The following ROR2 variants were observed in gnomAD, a reference collection of about 807,000 sequenced individuals.
ROR2 encodes tyrosine-protein kinase transmembrane receptor ROR2.
In ROR2, 33 loss-of-function variants were observed where a neutral mutation model predicts 74.9. The ratio of observed to expected loss-of-function variants is 0.44; its 90% confidence interval spans 0.33 to 0.59. ROR2 has a LOEUF of 0.59. ROR2 is among the 20% of genes least tolerant of loss of function. The pLI is 0.02. For synonymous variants in ROR2, 586 were observed against 558.7 expected, an observed-to-expected ratio of 1.05 and a Z score of -0.69; for missense variants, 1,216 against 1,313.8, an observed-to-expected ratio of 0.93 and a Z score of 1.15.
chr9:91,818,681 C>G lies in ROR2; in HGVS notation c.98-42863G>C, dbSNP rs138293181. Reference sequence around the variant, plus strand: ...GCCCACGCTGGCATAGTAAGCCTAACACTGTATCCATGAGAAAACAGAAAG... The same window carrying G: ...GCCCACGCTGGCATAGTAAGCCTAAGACTGTATCCATGAGAAAACAGAAAG... On this transcript the variant is annotated intron_variant, in intron 1 of 8. Coordinates refer to ENST00000375708, the MANE Select transcript of ROR2 (RefSeq NM_004560.4). Among the ~76,000 whole-genome samples, 216 of 152,318 alleles carry G rather than the reference C, an allele frequency of 1.4e-3. 1 individual carries two copies. Among genetic ancestry groups the G allele is most frequent in the Admixed American group, 5.1e-3 (78 of 15,292 alleles).
chr9:91,733,558 G>A lies in ROR2; in HGVS notation c.623-122C>T, dbSNP rs113031996. On this transcript the variant is annotated intron_variant, in intron 5 of 8. Coordinates refer to ENST00000375708, the MANE Select transcript of ROR2 (RefSeq NM_004560.4). The surrounding 1 kb of genome is among the most constrained non-coding windows in gnomAD (Gnocchi z 5.7). The stretch of plus-strand genomic sequence containing the variant: ...ACTCAGCCCCCTGATGCCCCGCCCC[G>A]CCCCAGACTCCCCAACCCCGAGCCC... The A allele has an allele frequency of 1.4e-3, 1,375 of 957,688 alleles. 10 individuals are homozygous for A. In the African/African-American group the frequency reaches 0.034, roughly 24 times the overall value. 59.3% of individuals were successfully genotyped at this position (957,688 alleles called of 1,614,324 possible).
chr9:91,926,018 C>T lies in ROR2; in HGVS notation c.97+23849G>A, dbSNP rs192490330. Among the ~76,000 whole-genome samples the T allele has an allele frequency of 1.3e-4, 19 of 150,584 alleles. No individual in the cohort carries two copies. In the East Asian group the frequency reaches 3.5e-3, roughly 28 times the overall value. ...CAGCACTCTGGGAGGCCGAGGCAGGCGGATCACCTGAGGTCAAGAGTTCAA... is the reference window on the plus strand; with the variant it reads ...CAGCACTCTGGGAGGCCGAGGCAGGTGGATCACCTGAGGTCAAGAGTTCAA... On this transcript the variant is annotated intron_variant, in intron 1 of 8. Transcript: ENST00000375708.
At chr9:91,889,590 G>A (rs1830375348) in intron 1 of ROR2, among the ~76,000 whole-genome samples, 1 of 152,138 alleles carries the variant, frequency 6.6e-6, no homozygotes, top group Non-Finnish European at 1.5e-5. Flanking sequence ...GGGCGGGCCA[G>A]AAGACCACTA....
intron 1 of ROR2, among the ~76,000 whole-genome samples, chr9:91,862,976 A>G (rs1359382232): frequency 6.6e-6 from 1 of 152,254 alleles, no homozygotes. Flanking sequence ...AATGTTCAAC[A>G]TCATTAGCCA....
At chr9:91,933,338 G>A (rs970369988) in intron 1 of ROR2, among the ~76,000 whole-genome samples, 1 of 151,922 alleles carries the variant, frequency 6.6e-6, no homozygotes, top group Non-Finnish European at 1.5e-5. Flanking sequence ...TTTGCACAAA[G>A]TACTGGACTG....
intron 1 of ROR2, among the ~76,000 whole-genome samples, chr9:91,830,878 G>A (rs1405824353): frequency 6.8e-6 from 1 of 146,008 alleles, no homozygotes; most frequent in East Asian, 2.1e-4. Flanking sequence ...GTTTGAAAAG[G>A]TAGACATCAA....
intron 1 of ROR2, among the ~76,000 whole-genome samples, chr9:91,848,194 C>A (rs1428549951): frequency 6.6e-6 from 1 of 152,168 alleles, no homozygotes; most frequent in East Asian, 1.9e-4. Context: ...CTAATCAAGA[C>A]AGAATGCCAT....
At chr9:91,928,339 G>A (rs10992168) in intron 1 of ROR2, among the ~76,000 whole-genome samples, 27,530 of 152,138 alleles carry the variant, frequency 0.18, 2,858 homozygotes, top group Admixed American at 0.26. Flanking sequence ...GAGGCCCTGC[G>A]TGGCATGGCA....
chr9:91,765,336 T>C (rs4595186), intron 2 of ROR2, among the ~76,000 whole-genome samples: 14,850 of 152,252 alleles, frequency 0.098, 1,032 homozygotes, highest in East Asian at 0.26. Context: ...TTTTCTTCTA[T>C]GTGGTTTCTG....
chr9:91,833,727 C>T (rs887019446), intron 1 of ROR2, among the ~76,000 whole-genome samples: 29 of 152,130 alleles, frequency 1.9e-4, no homozygotes, highest in African/African-American at 7.0e-4. Flanking sequence ...TCCCTGGGGC[C>T]TCAACACGCA....
At chr9:91,761,576 T>C (rs1194262079) in intron 2 of ROR2, among the ~76,000 whole-genome samples, 1 of 152,124 alleles carries the variant, frequency 6.6e-6, no homozygotes, top group Admixed American at 6.5e-5. Context: ...GCTCAGGTGG[T>C]AATGTAATTG....
At chr9:91,779,613 C>T (rs1027193896) in intron 1 of ROR2, among the ~76,000 whole-genome samples, 2 of 152,050 alleles carry the variant, frequency 1.3e-5, no homozygotes, top group African/African-American at 4.8e-5. Flanking sequence ...TTAAATGATC[C>T]ACCCACCTCA....
chr9:91,745,876 A>G (rs1197159224), intron 4 of ROR2, among the ~76,000 whole-genome samples: 1 of 152,072 alleles, frequency 6.6e-6, no homozygotes, highest in Non-Finnish European at 1.5e-5. Flanking sequence ...GGAAAGTTGT[A>G]TTTTCTAGAA....
intron 1 of ROR2, among the ~76,000 whole-genome samples, chr9:91,888,232 T>C (rs1308595609): frequency 6.6e-6 from 1 of 152,186 alleles, no homozygotes; most frequent in African/African-American, 2.4e-5. Flanking sequence ...GGTTCATGAG[T>C]GTTTGGAAGG....
chr9:91,831,249 C>T (rs1181464745), intron 1 of ROR2, among the ~76,000 whole-genome samples: 1 of 148,366 alleles, frequency 6.7e-6, no homozygotes, highest in African/African-American at 2.5e-5. Context: ...GCAACAAGAG[C>T]GAAACTCCAT....
chr9:91,858,325 A>G (rs58089833), intron 1 of ROR2, among the ~76,000 whole-genome samples: 10,988 of 152,330 alleles, frequency 0.072, 467 homozygotes, highest in Middle Eastern at 0.14. Flanking sequence ...AAGCACAGGC[A>G]CACACATGCA....
intron 7 of ROR2, among the ~76,000 whole-genome samples, chr9:91,729,565 G>A (rs890179829): frequency 1.3e-5 from 2 of 152,206 alleles, no homozygotes; most frequent in Non-Finnish European, 2.9e-5. Context: ...ACGCGGGCCT[G>A]CACCCCAGGA....
At chr9:91,930,146 C>G (rs1831513351) in intron 1 of ROR2, among the ~76,000 whole-genome samples, 1 of 152,220 alleles carries the variant, frequency 6.6e-6, no homozygotes, top group Non-Finnish European at 1.5e-5. Context: ...ATTCTCAACT[C>G]TAGCCACACA....
At chr9:91,748,414 G>T (rs1218105400) in intron 4 of ROR2, among the ~76,000 whole-genome samples, 6 of 152,120 alleles carry the variant, frequency 3.9e-5, no homozygotes, top group South Asian at 2.1e-4. Context: ...ACATCGTGTT[G>T]TACACTGGAA....
Sources: allele counts gnomAD v4.1 joint callset (sites outside exome capture counted in the v4.1 genomes callset), GRCh38; gene constraint gnomAD v4.1.1; non-coding constraint Gnocchi (gnomAD v3.1); transcripts MANE v1.5; gene names NCBI Gene and HGNC (gene_info 2026-07-23, HGNC 2026-07-21).